URB1: variants seen among roughly 807,000 people sequenced by gnomAD.
The protein encoded by URB1 is URB1 ribosome biogenesis factor.
A neutral mutation model predicts 242.3 loss-of-function variants in URB1; 197 were observed. That is an observed-to-expected ratio of 0.81 (90% CI 0.72 to 0.91). URB1 has a LOEUF of 0.91. URB1 is among the 40% of genes least tolerant of loss of function. The probability of loss-of-function intolerance (pLI) is 0.00; values close to 1 mark genes in which losing one functional copy is unlikely to be tolerated. For synonymous variants in URB1, 1,153 were observed against 1,201.8 expected, an observed-to-expected ratio of 0.96 and a Z score of 0.84; for missense variants, 2,721 against 2,860.5, an observed-to-expected ratio of 0.95 and a Z score of 1.11.
At chr21:32,359,956 T>A in intron 13 of URB1, 48 bp from the exon 14 acceptor site, 1 of 1,515,012 alleles carries the variant, frequency 6.6e-7, no homozygotes, top group Non-Finnish European at 8.9e-7. Flanking sequence ...TGGACGTGGG[T>A]GCCCAACAAT....
Position 32,384,458 on chromosome 21 carries a change from A to G in URB1, c.289T>C (p.Leu97=). Residue 97 remains leucine (L), a synonymous_variant, in exon 3 of 39, where the codon TTA becomes CTA. Transcript: ENST00000382751. Reference sequence around the variant, plus strand: ...ATGGCCTCGAAAACTTGAAATATTAACATCGTCTGCAAAGACAGAATTGAA... The same window carrying G: ...ATGGCCTCGAAAACTTGAAATATTAGCATCGTCTGCAAAGACAGAATTGAA... ...GEKRPESETM[L]IFQVFEAILL... 2 of 1,550,744 alleles carry G rather than the reference A, an allele frequency of 1.3e-6. No homozygotes were observed. Among genetic ancestry groups the G allele is most frequent in the Non-Finnish European group, 1.7e-6 (2 of 1,146,074 alleles).
chr21:32,357,122 A>G (rs1373918561), intron 15 of URB1, among the ~76,000 whole-genome samples: 1 of 152,232 alleles, frequency 6.6e-6, no homozygotes. Flanking sequence ...ACAAAACAAG[A>G]TAAGGAAATA....
In URB1 at chr21:32,368,528, C is replaced by G; in HGVS notation, c.1072G>C (p.Asp358His). ...ACTTTGAGGATGTTTACCACAAGGT[C>G]AGCCACCAGATCATCATCAGCTGCA... Reference protein sequence around the residue: ...KTAADDDLVADLVVNILKVCP... With the variant: ...KTAADDDLVAHLVVNILKVCP... Residue 358 changes from aspartate to histidine, a missense_variant, in exon 9 of 39, where the codon GAC (aspartate) becomes CAC (histidine). Asp to His is a moderately conservative substitution (Grantham distance 81). Transcript: ENST00000382751. 6.4e-7 allele frequency: 1 copy of G among 1,551,736 alleles called. No homozygotes were observed.
In URB1 at chr21:32,384,179, T is replaced by G. The variant is rs992621433; in HGVS notation, c.434+134A>C. ...GTCCACAAAGGAAGGGGGCAGAGAC[T>G]CGGTCACTGTGGCCTCGGAAATAGC... On this transcript the variant is annotated intron_variant, in intron 3 of 38. Transcript: ENST00000382751. The G allele has an allele frequency of 2.1e-5, 24 of 1,129,372 alleles. No individual in the cohort carries two copies. The Admixed American group carries it at 6.2e-4, about 29-fold the overall frequency. The allele number at this position is 1,129,372 out of a possible 1,614,324, so 70.0% of individuals were successfully genotyped here. A position where few individuals can be genotyped will look rare whatever the true frequency, so the allele number is the denominator to read the frequency against.
At chr21:32,327,376 A>G (rs1043209845) in intron 30 of URB1, among the ~76,000 whole-genome samples, 3 of 152,182 alleles carry the variant, frequency 2.0e-5, no homozygotes, top group Non-Finnish European at 4.4e-5. Context: ...TTTATACCCC[A>G]TCAAAATCTT....
At chr21:32,373,908 T>A in intron 6 of URB1, 136 bp from the exon 7 acceptor site, 1 of 872,958 alleles carries the variant, frequency 1.1e-6, no homozygotes, top group East Asian at 3.0e-5. Flanking sequence ...AAATTTGGTT[T>A]AAAAAAAGGA....
intron 4 of URB1, among the ~76,000 whole-genome samples, chr21:32,382,809 G>A (rs570147923): frequency 6.6e-6 from 1 of 152,206 alleles, no homozygotes; most frequent in Admixed American, 6.5e-5. Context: ...AAGTGTGCCT[G>A]CTCCCCAAGA....
chr21:32,354,006 G>A lies in URB1; in HGVS notation c.2343C>T (p.Phe781=). ...CCGCAGGGACTACCGCACTGAATGG[G>A]AACGTGAGCAGGATCATGTCTTCAC... ...TLSEDMILLT[F]PFSAVVPAAL... The change falls in exon 18 of 39, where the codon TTC becomes TTT. Residue 781 remains phenylalanine (F), a synonymous_variant. Transcript: ENST00000382751. 6.4e-7 allele frequency: 1 copy of A among 1,551,772 alleles called. No homozygotes were observed. The highest frequency in any genetic ancestry group is 8.7e-7 in the Non-Finnish European group (1 of 1,147,016).
At chr21:32,342,548 C>T (rs1368753122) in intron 24 of URB1, among the ~76,000 whole-genome samples, 1 of 151,986 alleles carries the variant, frequency 6.6e-6, no homozygotes, top group African/African-American at 2.4e-5. Context: ...TATTCATAGG[C>T]GCAATCCCAC....
Position 32,314,703 on chromosome 21 carries a change from ACT to A in URB1, c.*213_*214del, listed in dbSNP as rs1318454198. 1 of 1,571,552 alleles carries A rather than the reference ACT, an allele frequency of 6.4e-7. No individual in the cohort carries two copies. The highest frequency in any genetic ancestry group is 1.7e-5 in the Admixed American group (1 of 59,700). On this transcript the variant is annotated 3_prime_UTR_variant, in exon 39 of 39. Coordinates refer to ENST00000382751, the MANE Select transcript of URB1 (RefSeq NM_014825.3). ...CCTAGAAGTCCCCACATTCCTTGCA[ACT>A]CTGATGCTGGGCACCTACAGGCCCG...
chr21:32,347,592 C>T lies in URB1; in HGVS notation c.3232G>A (p.Ala1078Thr), dbSNP rs550677122. 6.4e-7 allele frequency: 1 copy of T among 1,551,500 alleles called. No homozygotes were observed. Among genetic ancestry groups the T allele is most frequent in the East Asian group, 2.4e-5 (1 of 40,892 alleles). Reference protein sequence around the residue: ...QLGLLARYSEAITQSVLKELQ... With the variant: ...QLGLLARYSETITQSVLKELQ... ...TCCTTCAGCACACTCTGGGTGATGG[C>T]CTCTGAGTACCTGGCCAGAAGGCCC... The change falls in exon 22 of 39, where the codon GCC (alanine) becomes ACC (threonine). Residue 1078 changes from alanine (A) to threonine (T), a missense_variant. Transcript: ENST00000382751.
chr21:32,334,362 G>C, intron 28 of URB1, 28 bp from the exon 29 acceptor site: 1 of 1,525,054 alleles, frequency 6.6e-7, no homozygotes. Context: ...AAAAGAGACT[G>C]GTCACAGAGC....
rs1370228472 is a variant in URB1 at position 32,319,329 on chromosome 21, A to G, written c.5680T>C (p.Trp1894Arg). Reference sequence around the variant, plus strand: ...GGCTGGCAAAGGCGCTGGCTCTCCCACTCCACTGCCTTGTCCCCCAGGTTG... The same window carrying G: ...GGCTGGCAAAGGCGCTGGCTCTCCCGCTCCACTGCCTTGTCCCCCAGGTTG... ...VTNLGDKAVE[W>R]ESQRLCQPSS... The change falls in exon 36 of 39, where the codon TGG becomes CGG. Residue 1894 changes from tryptophan to arginine, a missense_variant. Physicochemically the swap from Trp to Arg is moderately radical, Grantham distance 101. Coordinates refer to ENST00000382751, the MANE Select transcript of URB1 (RefSeq NM_014825.3). 1 of 1,550,966 alleles carries G rather than the reference A, an allele frequency of 6.4e-7. No homozygotes were observed. The highest frequency in any genetic ancestry group is 2.0e-5 in the Admixed American group (1 of 50,914).
At position 32,383,547 on chromosome 21, in the gene URB1, G is replaced by A. The variant is rs866797662; in HGVS notation, c.442C>T (p.Arg148Cys). 18 of 1,551,094 alleles carry A rather than the reference G, an allele frequency of 1.2e-5. No homozygotes were observed. The highest frequency in any genetic ancestry group is 1.5e-5 in the Non-Finnish European group (17 of 1,146,872). The change falls in exon 4 of 39, where the codon CGC becomes TGC. Residue 148 changes from arginine (R) to cysteine (C), a missense_variant. Physicochemically the swap from Arg to Cys is radical, Grantham distance 180 (BLOSUM62 -3). Coordinates refer to ENST00000382751, the MANE Select transcript of URB1 (RefSeq NM_014825.3). The stretch of plus-strand genomic sequence containing the variant: ...GCGGTCATCAGGCTCAGGCAGGCGC[G>A]AGCCAACCTGCACAGGGAACCAGAG... ...SLYASGYRLARACLSLMTAMV... is the reference protein window; with the variant it reads ...SLYASGYRLACACLSLMTAMV...
At chr21:32,333,549 G>T in intron 29 of URB1, 130 bp from the exon 30 acceptor site, 1 of 715,200 alleles carries the variant, frequency 1.4e-6, no homozygotes. Context: ...TACATAATGA[G>T]ATATCTTGGG....
chr21:32,361,169 A>AAGAC, intron 12 of URB1, 46 bp from the exon 13 acceptor site: 1 of 640,916 alleles, frequency 1.6e-6, no homozygotes, highest in Non-Finnish European at 2.5e-6. Context: ...AAAAGAAAGA[A>AAGAC]AGAAAGAAAG....
intron 10 of URB1, 131 bp from the exon 11 acceptor site, chr21:32,363,460 C>A (rs879338746): frequency 1.7e-6 from 2 of 1,180,082 alleles, no homozygotes; most frequent in Non-Finnish European, 2.3e-6. Context: ...CTGGTCTCTA[C>A]GCTCTGAGAA....
At chr21:32,330,989 G>C (rs958055526) in intron 30 of URB1, among the ~76,000 whole-genome samples, 12 of 152,216 alleles carry the variant, frequency 7.9e-5, no homozygotes, top group African/African-American at 2.7e-4. Flanking sequence ...GGCACTGATA[G>C]AGGATTGGCA....
rs566432258 is a variant in URB1 at position 32,316,107 on chromosome 21, G to A, written c.6634+359C>T. ...CACACATGCAAGCATACGCACGCAC[G>A]CGCACACACAGCTGGCCACATGTGA... is the stretch of plus-strand genomic sequence containing the variant. On this transcript the variant is annotated intron_variant, in intron 38 of 38. Transcript: ENST00000382751. Among the ~76,000 whole-genome samples, 201 of 152,324 alleles carry A rather than the reference G, an allele frequency of 1.3e-3. 1 individual carries two copies. The highest frequency in any genetic ancestry group is 1.0e-3 in the South Asian group (5 of 4,828).
Sources: allele counts gnomAD v4.1 joint callset (sites outside exome capture counted in the v4.1 genomes callset), GRCh38; gene constraint gnomAD v4.1.1; transcripts MANE v1.5; gene names NCBI Gene and HGNC (gene_info 2026-07-23, HGNC 2026-07-21).